The following GRK5 variants were observed in gnomAD, a reference collection of about 807,000 sequenced individuals.
GRK5 encodes G protein-coupled receptor kinase 5, also known as g protein-coupled receptor kinase GRK5.
GRK5 carries 40 observed loss-of-function variants against 78.4 expected under a neutral mutation model. That is an observed-to-expected ratio of 0.51 (90% confidence interval 0.40 to 0.66). GRK5 has a LOEUF of 0.66. GRK5 is among the 30% of genes least tolerant of loss of function. The probability of loss-of-function intolerance (pLI) is 0.00; values close to 1 mark genes in which losing one functional copy is unlikely to be tolerated. For synonymous variants in GRK5, 289 were observed against 296.8 expected (o/e 0.97, Z 0.27); for missense variants, 598 against 759.9 (o/e 0.79, Z 2.50).
At position 119,244,700 on chromosome 10, in the gene GRK5, C is replaced by T. The variant is rs34290583; in HGVS notation, c.52+36731C>T. 4.4e-3 allele frequency among the ~76,000 whole-genome samples: 670 copies of T among 152,302 alleles called. 3 individuals are homozygous for T. The highest frequency in any genetic ancestry group is 7.8e-3 in the Non-Finnish European group (529 of 68,028). The stretch of plus-strand genomic sequence containing the variant: ...AGTGAGCTGTGATTGCAATACTGCA[C>T]TCCAGCCTGAGCAACAGAGTTGAGA... On this transcript the variant is annotated intron_variant, in intron 1 of 15. Transcript: ENST00000392870.
intron 1 of GRK5, among the ~76,000 whole-genome samples, chr10:119,278,052 G>C (rs910241357): frequency 6.6e-6 from 1 of 152,192 alleles, no homozygotes; most frequent in East Asian, 1.9e-4. Flanking sequence ...TTTCTCTTGA[G>C]TAAATACTTA....
At position 119,342,629 on chromosome 10, in the gene GRK5, G is replaced by C. The variant is rs1851003269; in HGVS notation, c.148+16018G>C. Among the ~76,000 whole-genome samples the C allele has an allele frequency of 2.0e-5, 3 of 152,226 alleles. No homozygotes were observed. The South Asian group carries it at 6.2e-4, about 32-fold the overall frequency. On this transcript the variant is annotated intron_variant, in intron 2 of 15. Transcript: ENST00000392870. The stretch of plus-strand genomic sequence containing the variant: ...GTGCAGAGCTTTGCTTCTTGGTTCT[G>C]CCTGCTTGGTGGTTGCCAGGTCCCG...
Position 119,253,223 on chromosome 10 carries a change from TACA to T in GRK5, c.52+45255_52+45257del, listed in dbSNP as rs1358982321. Among the ~76,000 whole-genome samples the T allele has an allele frequency of 6.6e-6, 1 of 152,154 alleles. No homozygotes were observed. Among genetic ancestry groups the T allele is most frequent in the Non-Finnish European group, 1.5e-5 (1 of 68,032 alleles). On this transcript the variant is annotated intron_variant, in intron 1 of 15. Coordinates refer to ENST00000392870, the MANE Select transcript of GRK5 (RefSeq NM_005308.3). This position sits in a 1 kb window ranked among gnomAD's most constrained non-coding sequence, Gnocchi z 5.7. ...CTCACATCTGAGGGTCTGTTGAGAT[TACA>T]GAGGCCCTTGATAGAGTCCGAAATT... is the stretch of plus-strand genomic sequence containing the variant.
At chr10:119,212,643 C>T (rs1335046429) in intron 1 of GRK5, among the ~76,000 whole-genome samples, 2 of 152,048 alleles carry the variant, frequency 1.3e-5, no homozygotes, top group Non-Finnish European at 2.9e-5. Flanking sequence ...GTTTGGAGTG[C>T]AAGATAAAGC....
At chr10:119,359,317 C>T (rs1331020776) in intron 2 of GRK5, among the ~76,000 whole-genome samples, 1 of 152,216 alleles carries the variant, frequency 6.6e-6, no homozygotes, top group Admixed American at 6.5e-5. Context: ...GTAATCCACA[C>T]CAGTAACTCA....
chr10:119,410,211 G>C (rs1185780795), intron 4 of GRK5, among the ~76,000 whole-genome samples: 1 of 152,188 alleles, frequency 6.6e-6, no homozygotes, highest in East Asian at 1.9e-4. Flanking sequence ...TTGACGTAAA[G>C]GGTCGGGGTC....
At chr10:119,252,154 A>T (rs906202835) in intron 1 of GRK5, among the ~76,000 whole-genome samples, 13 of 152,310 alleles carry the variant, frequency 8.5e-5, no homozygotes, top group Admixed American at 2.6e-4. Context: ...CTGTGTGAGT[A>T]GCAGGACCAT....
In GRK5 at chr10:119,405,463, G is replaced by T. The variant is rs568481977; in HGVS notation, c.339+8691G>T. Among the ~76,000 whole-genome samples, 4 of 152,256 alleles carry T rather than the reference G, an allele frequency of 2.6e-5. No homozygotes were observed. The South Asian group carries it at 8.3e-4, about 32-fold the overall frequency. On this transcript the variant is annotated intron_variant, in intron 4 of 15. Transcript: ENST00000392870. ...TCCACACAAACGAAATCTATTCGTA[G>T]TGCTTGTTGGGCTCTCTGGAAAACA...
At chr10:119,358,321 A>G (rs1357980485) in intron 2 of GRK5, among the ~76,000 whole-genome samples, 1 of 152,200 alleles carries the variant, frequency 6.6e-6, no homozygotes, top group Non-Finnish European at 1.5e-5. Flanking sequence ...CAGAGTGATT[A>G]TGCCCGGGGT....
intron 3 of GRK5, among the ~76,000 whole-genome samples, chr10:119,394,564 GGT>G (rs1366198645): frequency 3.2e-4 from 1 of 3,168 alleles, no homozygotes; most frequent in Admixed American, 2.5e-3. Context: ...TGTATGTTTG[GGT>G]GTGTGTGTGT....
At chr10:119,313,366 T>C (rs1466245858) in intron 1 of GRK5, among the ~76,000 whole-genome samples, 1 of 151,856 alleles carries the variant, frequency 6.6e-6, no homozygotes, top group Non-Finnish European at 1.5e-5. Context: ...ATGATGGTGG[T>C]AATGAGTGGT....
At chr10:119,255,854 T>C (rs1849275460) in intron 1 of GRK5, among the ~76,000 whole-genome samples, 2 of 151,806 alleles carry the variant, frequency 1.3e-5, no homozygotes, top group Middle Eastern at 3.4e-3. Flanking sequence ...GCTGACCGGG[T>C]TGTAGAAGCT....
intron 1 of GRK5, among the ~76,000 whole-genome samples, chr10:119,225,345 A>G (rs1320561450): frequency 2.0e-5 from 3 of 152,202 alleles, no homozygotes; most frequent in Admixed American, 1.3e-4. Flanking sequence ...ATTGTTGAGA[A>G]AATGTAAGAA....
At position 119,431,607 on chromosome 10, in the gene GRK5, T is replaced by G; in HGVS notation, c.738+80T>G. The G allele has an allele frequency of 6.6e-7, 1 of 1,518,112 alleles. No homozygotes were observed. Among genetic ancestry groups the G allele is most frequent in the Non-Finnish European group, 8.9e-7 (1 of 1,124,398 alleles). The allele number at this position is 1,518,112 out of a possible 1,614,324, so 94.0% of individuals were successfully genotyped here. A position where few individuals can be genotyped will look rare whatever the true frequency, so the allele number is the denominator to read the frequency against. On this transcript the variant is annotated intron_variant, in intron 8 of 15. Transcript: ENST00000392870. This position sits in a 1 kb window ranked among gnomAD's most constrained non-coding sequence, Gnocchi z 4.8. ...CCCTCCCTCCGGAAGGGCGTGGTCCTCTAATGCGGCCGGTCCCCACCCCTG... is the reference window on the plus strand; with the variant it reads ...CCCTCCCTCCGGAAGGGCGTGGTCCGCTAATGCGGCCGGTCCCCACCCCTG...
chr10:119,436,024 C>T lies in GRK5; in HGVS notation c.739-627C>T, dbSNP rs144982331. Among the ~76,000 whole-genome samples the T allele has an allele frequency of 4.6e-5, 7 of 152,332 alleles. No homozygotes were observed. In the East Asian group the frequency reaches 1.3e-3, roughly 29 times the overall value. ...CAGGTCTGTGAGACATATTCACTAC[C>T]ACAAGAGCAGTATGGGAGAAACTGC... On this transcript the variant is annotated intron_variant, in intron 8 of 15. Transcript: ENST00000392870.
intron 3 of GRK5, among the ~76,000 whole-genome samples, chr10:119,394,115 GGTGTGTGT>G (rs72240657): frequency 2.3e-5 from 3 of 132,760 alleles, no homozygotes; most frequent in South Asian, 2.5e-4. Flanking sequence ...CTGTGTGGGG[GGTGTGTGT>G]GTGTGTGTGG....
intron 2 of GRK5, among the ~76,000 whole-genome samples, chr10:119,345,417 T>G (rs990679333): frequency 6.6e-6 from 1 of 152,086 alleles, no homozygotes; most frequent in African/African-American, 2.4e-5. Context: ...CCACAGGGGC[T>G]TCCTAGCCTC....
chr10:119,277,492 C>T (rs945834215), intron 1 of GRK5, among the ~76,000 whole-genome samples: 4 of 152,266 alleles, frequency 2.6e-5, no homozygotes, highest in East Asian at 1.9e-4. Context: ...CTGCTCTCTG[C>T]GACACCCCTG....
intron 1 of GRK5, among the ~76,000 whole-genome samples, chr10:119,244,755 C>T (rs1298824320): frequency 1.3e-5 from 2 of 151,956 alleles, no homozygotes; most frequent in Non-Finnish European, 2.9e-5. Flanking sequence ...AACAAAAACC[C>T]AAAAAACCAC....
Sources: allele counts gnomAD v4.1 joint callset (sites outside exome capture counted in the v4.1 genomes callset), GRCh38; gene constraint gnomAD v4.1.1; non-coding constraint Gnocchi (gnomAD v3.1); transcripts MANE v1.5; gene names NCBI Gene and HGNC (gene_info 2026-07-23, HGNC 2026-07-21).